The following AOPEP variants were observed in gnomAD, a reference collection of about 807,000 sequenced individuals.
AOPEP encodes the protein aminopeptidase O.
Under a neutral mutation model 98.1 loss-of-function variants are expected in AOPEP, and 77 were observed. The observed-to-expected ratio is 0.78, with a 90% CI of 0.65 to 0.95. The LOEUF is 0.95. Among genes scored for constraint, AOPEP ranks in the 40% least tolerant of loss-of-function variants. The pLI is 0.00. For missense variants in AOPEP, 1,024 were observed against 1,024.7 expected, an observed-to-expected ratio of 1.00 and a Z score of 0.01; for synonymous variants, 346 against 365.3, an observed-to-expected ratio of 0.95 and a Z score of 0.60.
Position 95,037,829 on chromosome 9 carries a change from T to TA in AOPEP, c.2116-22864dup, listed in dbSNP as rs201450728. Among the ~76,000 whole-genome samples the TA allele has an allele frequency of 2.6e-5, 4 of 152,230 alleles. No homozygotes were observed. In the East Asian group the frequency reaches 7.7e-4, roughly 29 times the overall value. On this transcript the variant is annotated intron_variant, in intron 13 of 16. Transcript: ENST00000375315. ...TAATGTACCTCTCAGTGCAAGCTAA[T>TA]ACATTCCTAAGGGCTTATTTGGCTT...
chr9:94,882,186 G>T (rs1046532073), intron 5 of AOPEP, among the ~76,000 whole-genome samples: 1 of 152,188 alleles, frequency 6.6e-6, no homozygotes. Flanking sequence ...TCTTTAAAGG[G>T]TGAAAGGGTA....
intron 5 of AOPEP, among the ~76,000 whole-genome samples, chr9:94,861,410 G>A (rs2044969373): frequency 6.6e-6 from 1 of 152,198 alleles, no homozygotes; most frequent in Non-Finnish European, 1.5e-5. Context: ...GTTCTTTCCT[G>A]TGTATTCATC....
the AOPEP span, among the ~76,000 whole-genome samples, chr9:95,120,464 G>C: frequency 6.6e-6 from 1 of 151,214 alleles, no homozygotes; most frequent in Non-Finnish European, 1.5e-5. Context: ...TTCCAGGCTG[G>C]AGTGCAGTGG....
intron 5 of AOPEP, among the ~76,000 whole-genome samples, chr9:94,866,041 C>T (rs1588616249): frequency 1.3e-5 from 2 of 152,174 alleles, no homozygotes; most frequent in South Asian, 2.1e-4. Flanking sequence ...TATTAATTTA[C>T]GTACAGAAAT....
At chr9:95,028,178 T>G (rs1449016971) in intron 13 of AOPEP, among the ~76,000 whole-genome samples, 6 of 152,362 alleles carry the variant, frequency 3.9e-5, no homozygotes, top group African/African-American at 1.4e-4. Flanking sequence ...ATGATTTTCT[T>G]AGGGTCTGAT....
chr9:94,770,715 G>A (rs977933275), intron 2 of AOPEP, among the ~76,000 whole-genome samples: 27 of 152,264 alleles, frequency 1.8e-4, no homozygotes, highest in Non-Finnish European at 2.6e-4. Context: ...GTGACATGCC[G>A]TCACCTCTGC....
chr9:94,905,967 T>C (rs2051082872), intron 5 of AOPEP, among the ~76,000 whole-genome samples: 2 of 152,058 alleles, frequency 1.3e-5, no homozygotes, highest in South Asian at 4.2e-4. Flanking sequence ...AAACATGACC[T>C]CCAGTATCTA....
chr9:95,023,712 A>G (rs2063633715), intron 13 of AOPEP, among the ~76,000 whole-genome samples: 1 of 152,168 alleles, frequency 6.6e-6, no homozygotes, highest in African/African-American at 2.4e-5. Context: ...CCCAGCAACT[A>G]CAGAGGTCTG....
At chr9:95,140,603 G>C in the AOPEP span, among the ~76,000 whole-genome samples, 2 of 152,194 alleles carry the variant, frequency 1.3e-5, no homozygotes, top group African/African-American at 4.8e-5. Context: ...GGGGAGGCCA[G>C]GGCTTCCTCA....
At chr9:95,113,930 A>T in the AOPEP span, 2 of 153,504 alleles carry the variant, frequency 1.3e-5, no homozygotes, top group Non-Finnish European at 2.9e-5. Context: ...CCACAAAAAA[A>T]TTTAAACATT....
At position 94,759,839 on chromosome 9, in the gene AOPEP, G is replaced by A. The variant is rs1180629847; in HGVS notation, c.56G>A (p.Ser19Asn). The A allele has an allele frequency of 6.2e-7, 1 of 1,614,118 alleles. No individual in the cohort carries two copies. Among genetic ancestry groups the A allele is most frequent in the Non-Finnish European group, 8.5e-7 (1 of 1,180,020 alleles). The change falls in exon 2 of 17, where the codon AGC becomes AAC. Residue 19 changes from serine to asparagine, a missense_variant. Around this residue, in one of 3 missense-constraint regions of AOPEP, gnomAD observed 440 missense variants for 433.8 expected, o/e 1.01. Transcript: ENST00000375315. The stretch of plus-strand genomic sequence containing the variant: ...GACCTGCCTCTCATGGCCAACACCA[G>A]CCACATACTTGTGAAGCACTATGTA... The part of the protein sequence containing the change: ...RDDLPLMANT[S>N]HILVKHYVLD...
At position 95,003,106 on chromosome 9, in the gene AOPEP, C is replaced by T. The variant is rs117058004; in HGVS notation, c.1978-2052C>T. On this transcript the variant is annotated intron_variant, in intron 11 of 16. Coordinates refer to ENST00000375315, the MANE Select transcript of AOPEP (RefSeq NM_001193329.3). ...GTTTCCAGGTCTCAGTTTCTAAGAT[C>T]TTTCCAGTGGTTCAATGGGATTTAT... 5.1e-3 allele frequency among the ~76,000 whole-genome samples: 776 copies of T among 150,948 alleles called. 3 individuals are homozygous for T. Among genetic ancestry groups the T allele is most frequent in the South Asian group, 0.039 (187 of 4,810 alleles).
chr9:95,069,242 G>C (rs2068230224), intron 14 of AOPEP, among the ~76,000 whole-genome samples: 1 of 152,166 alleles, frequency 6.6e-6, no homozygotes, highest in Admixed American at 6.5e-5. Flanking sequence ...CCATCCCTCA[G>C]ACTTGGGGAG....
intron 13 of AOPEP, among the ~76,000 whole-genome samples, chr9:95,048,536 C>G (rs1047265672): frequency 6.6e-6 from 1 of 152,042 alleles, no homozygotes; most frequent in Non-Finnish European, 1.5e-5. Context: ...CTGACAGCAC[C>G]GGGACCGACC....
chr9:94,883,144 C>T (rs1343141217), intron 5 of AOPEP, among the ~76,000 whole-genome samples: 5 of 152,124 alleles, frequency 3.3e-5, no homozygotes, highest in East Asian at 1.9e-4. Context: ...AACAAGAGAG[C>T]GCACACAATT....
intron 13 of AOPEP, chr9:95,056,184 TG>T (rs1308310463): frequency 2.6e-5 from 4 of 152,096 alleles, no homozygotes; most frequent in Non-Finnish European, 4.4e-5. Flanking sequence ...AGAGTGATAA[TG>T]GGGTAATAAT....
chr9:94,739,754 T>C (rs531883598), intron 1 of AOPEP, among the ~76,000 whole-genome samples: 1 of 152,294 alleles, frequency 6.6e-6, no homozygotes, highest in South Asian at 2.1e-4. Context: ...TCTCTCCTTG[T>C]TACGCTAGGC....
chr9:94,742,799 G>A (rs1413129601), intron 1 of AOPEP, among the ~76,000 whole-genome samples: 1 of 151,950 alleles, frequency 6.6e-6, no homozygotes, highest in Admixed American at 6.6e-5. Context: ...TACAAATTTG[G>A]GGCATGTAAT....
chr9:94,855,417 G>A (rs1451074302), intron 5 of AOPEP, among the ~76,000 whole-genome samples: 2 of 152,246 alleles, frequency 1.3e-5, no homozygotes, highest in Admixed American at 1.3e-4. Flanking sequence ...GGCCAGGTGC[G>A]GTGGCTCACG....
Sources: allele counts gnomAD v4.1 joint callset (sites outside exome capture counted in the v4.1 genomes callset), GRCh38; gene constraint gnomAD v4.1.1; regional missense constraint gnomAD v4.1.1; transcripts MANE v1.5; gene names NCBI Gene and HGNC (gene_info 2026-07-23, HGNC 2026-07-21).